LRP1B: variants seen among roughly 807,000 people sequenced by gnomAD.
LRP1B encodes the protein LDL receptor related protein 1B.
A neutral mutation model predicts 556.6 loss-of-function variants in LRP1B; 217 were observed. That is an observed-to-expected ratio of 0.39 (90% CI 0.35 to 0.44). LRP1B has a LOEUF of 0.44. Ranked by LOEUF, LRP1B falls within the 20% of genes least tolerant of loss-of-function variation. The pLI, the probability that LRP1B is intolerant of heterozygous loss-of-function variation, is 1.00. For missense variants in LRP1B, 5,053 were observed against 5,620.8 expected, an observed-to-expected ratio of 0.90 and a Z score of 3.23; for synonymous variants, 2,047 against 1,865.8, an observed-to-expected ratio of 1.10 and a Z score of -2.50.
intron 7 of LRP1B, among the ~76,000 whole-genome samples, chr2:141,148,354 A>T (rs967884745): frequency 3.3e-5 from 5 of 150,968 alleles, no homozygotes; most frequent in Non-Finnish European, 7.4e-5. Context: ...CTGTGTAGAT[A>T]GGCAATAATC....
intron 1 of LRP1B, among the ~76,000 whole-genome samples, chr2:142,047,258 G>T (rs1014157000): frequency 3.9e-5 from 6 of 151,924 alleles, no homozygotes; most frequent in African/African-American, 4.8e-5. Flanking sequence ...GTACATGGAG[G>T]CTTGACATTT....
chr2:141,439,901 C>T (rs1056278592), intron 3 of LRP1B, among the ~76,000 whole-genome samples: 6 of 152,062 alleles, frequency 3.9e-5, no homozygotes, highest in Non-Finnish European at 8.8e-5. Flanking sequence ...CACATAGTGT[C>T]CAAAAATCTT....
chr2:140,632,032 A>C (rs763533270), intron 41 of LRP1B, among the ~76,000 whole-genome samples: 5 of 152,160 alleles, frequency 3.3e-5, no homozygotes, highest in Non-Finnish European at 7.4e-5. Flanking sequence ...AAACTCATCA[A>C]TTTAGAATTC....
intron 3 of LRP1B, among the ~76,000 whole-genome samples, chr2:141,366,739 G>A (rs778978711): frequency 1.8e-4 from 27 of 152,104 alleles, no homozygotes; most frequent in Non-Finnish European, 3.2e-4. Context: ...TTTCTCAAAT[G>A]TCTTATTTTC....
At chr2:141,110,910 T>C (rs1700734907) in intron 7 of LRP1B, among the ~76,000 whole-genome samples, 1 of 152,112 alleles carries the variant, frequency 6.6e-6, no homozygotes, top group Non-Finnish European at 1.5e-5. Context: ...TTTAAGTGGG[T>C]CCCCACACTA....
At chr2:141,332,464 ATGAATTTTATATGCATCATCTAAGGCCCC>A in intron 3 of LRP1B, among the ~76,000 whole-genome samples, 1 of 149,518 alleles carries the variant, frequency 6.7e-6, no homozygotes, top group Non-Finnish European at 1.5e-5. Context: ...AAAAAAAAGC[ATGAATTTTATATGCATCATCTAAGGCCCC>A]TGACTTTTTT....
At chr2:141,996,107 C>T (rs886418013) in intron 1 of LRP1B, among the ~76,000 whole-genome samples, 9 of 151,662 alleles carry the variant, frequency 5.9e-5, no homozygotes, top group Non-Finnish European at 1.2e-4. Flanking sequence ...CAAAAATTAG[C>T]TTGGCATGGT....
intron 1 of LRP1B, among the ~76,000 whole-genome samples, chr2:142,128,396 A>G (rs1300538740): frequency 1.3e-5 from 2 of 152,166 alleles, no homozygotes; most frequent in African/African-American, 4.8e-5. Flanking sequence ...TTATTCAAGG[A>G]CGATTGACAT....
intron 1 of LRP1B, among the ~76,000 whole-genome samples, chr2:141,969,582 A>G (rs1305865677): frequency 6.6e-6 from 1 of 151,650 alleles, no homozygotes; most frequent in African/African-American, 2.4e-5. Context: ...TACAAATAAA[A>G]GAATCCTTTT....
chr2:140,844,170 T>C (rs1692203932), intron 29 of LRP1B, among the ~76,000 whole-genome samples: 1 of 152,048 alleles, frequency 6.6e-6, no homozygotes, highest in Non-Finnish European at 1.5e-5. Context: ...CAAGCAATTC[T>C]CCTGCCTCAG....
intron 43 of LRP1B, chr2:140,586,760 T>C (rs1469630906): frequency 1.3e-5 from 2 of 151,994 alleles, no homozygotes; most frequent in Non-Finnish European, 2.9e-5. Context: ...GAAAGACAGT[T>C]AAAAACAGAA....
chr2:140,569,784 T>C (rs1049930593), intron 43 of LRP1B, among the ~76,000 whole-genome samples: 5 of 151,906 alleles, frequency 3.3e-5, no homozygotes, highest in Non-Finnish European at 7.4e-5. Flanking sequence ...GGATAGACCA[T>C]ATTTTAGGCC....
chr2:141,897,611 G>C (rs1048901393), intron 1 of LRP1B, among the ~76,000 whole-genome samples: 4 of 152,072 alleles, frequency 2.6e-5, no homozygotes, highest in African/African-American at 9.7e-5. Context: ...TTTTTTTCCA[G>C]TTCCATTTTG....
chr2:141,591,406 A>G (rs1426313389), intron 2 of LRP1B, among the ~76,000 whole-genome samples: 1 of 143,838 alleles, frequency 7.0e-6, no homozygotes, highest in African/African-American at 2.6e-5. Flanking sequence ...CCAAGTGCTG[A>G]CCAGGCCATA....
At chr2:140,249,248 A>G (rs1681303048) in intron 86 of LRP1B, among the ~76,000 whole-genome samples, 1 of 151,698 alleles carries the variant, frequency 6.6e-6, no homozygotes, top group African/African-American at 2.4e-5. Context: ...TATTTTTAAT[A>G]ATTTATAAAG....
At chr2:141,905,062 A>G (rs1338487100) in intron 1 of LRP1B, among the ~76,000 whole-genome samples, 1 of 151,882 alleles carries the variant, frequency 6.6e-6, no homozygotes, top group Non-Finnish European at 1.5e-5. Context: ...TTCGGAGATC[A>G]GAATAATGGG....
chr2:141,852,189 C>G (rs907520930), intron 1 of LRP1B, among the ~76,000 whole-genome samples: 1 of 151,684 alleles, frequency 6.6e-6, no homozygotes, highest in Non-Finnish European at 1.5e-5. Context: ...TCTTTAAAAT[C>G]TAATGACACT....
intron 32 of LRP1B, among the ~76,000 whole-genome samples, chr2:140,777,134 C>G (rs1185905201): frequency 6.6e-6 from 1 of 152,074 alleles, no homozygotes; most frequent in Non-Finnish European, 1.5e-5. Flanking sequence ...TTAGACTTAT[C>G]AAGAAGAATA....
chr2:140,861,800 A>C (rs1461566200), intron 27 of LRP1B, among the ~76,000 whole-genome samples: 1 of 152,186 alleles, frequency 6.6e-6, no homozygotes, highest in Non-Finnish European at 1.5e-5. Flanking sequence ...AAATCCAATG[A>C]ATGCATTTAT....
Sources: allele counts gnomAD v4.1 joint callset (sites outside exome capture counted in the v4.1 genomes callset), GRCh38; gene constraint gnomAD v4.1.1; transcripts MANE v1.5; gene names NCBI Gene and HGNC (gene_info 2026-07-23, HGNC 2026-07-21).